DNAJB2: variants seen among roughly 807,000 people sequenced by gnomAD.
DNAJB2 encodes the protein DnaJ heat shock protein family (Hsp40) member B2.
Under a neutral mutation model 33.3 loss-of-function variants are expected in DNAJB2, and 19 were observed. The observed-to-expected ratio is 0.57, with a 90% CI of 0.40 to 0.84. The LOEUF is 0.84. Among genes scored for constraint, DNAJB2 ranks in the 40% least tolerant of loss-of-function variants. The pLI is 0.00. For synonymous variants in DNAJB2, 172 were observed against 164.6 expected (o/e 1.04, Z -0.34); for missense variants, 368 against 430.9 (o/e 0.85, Z 1.29).
In DNAJB2 at chr2:219,282,207, G is replaced by T. The variant is rs532421255; in HGVS notation, c.352+146G>T. The T allele has an allele frequency of 4.5e-6, 6 of 1,344,686 alleles. No individual in the cohort carries two copies. In the African/African-American group the frequency reaches 8.6e-5, roughly 19 times the overall value. The allele number at this position is 1,344,686 out of a possible 1,614,324, so 83.3% of individuals were successfully genotyped here. On this transcript the variant is annotated intron_variant, in intron 5 of 8. Coordinates refer to ENST00000336576, the MANE Select transcript of DNAJB2 (RefSeq NM_006736.6). ...TTTTGTGGAGCTGGGTCCAGTGAGA[G>T]CCGGGACAGAACCTCACGTGTGCCA... is the stretch of plus-strand genomic sequence containing the variant.
intron 2 of DNAJB2, chr2:219,280,198 T>A: frequency 2.0e-6 from 1 of 498,672 alleles, no homozygotes; most frequent in Non-Finnish European, 3.6e-6. Flanking sequence ...CCCTTCCCCC[T>A]AGATTTGGGC....
At chr2:219,283,055 T>C in intron 6 of DNAJB2, 78 bp from the exon 7 acceptor site, 1 of 1,591,960 alleles carries the variant, frequency 6.3e-7, no homozygotes, top group Non-Finnish European at 8.6e-7. Context: ...CGAGGCGGCC[T>C]GGAGCCTCGG....
chr2:219,285,445 C>T lies in DNAJB2; in HGVS notation c.*458C>T, dbSNP rs529545317. On this transcript the variant is annotated 3_prime_UTR_variant, in exon 9 of 9. Coordinates refer to ENST00000336576, the MANE Select transcript of DNAJB2 (RefSeq NM_006736.6). ...GCTCTCCTGGACCAGCTGCAGACCCCCAACCCTGGTTTCTGTGCCATGTTG... is the reference window on the plus strand; with the variant it reads ...GCTCTCCTGGACCAGCTGCAGACCCTCAACCCTGGTTTCTGTGCCATGTTG... 2 of 1,006,146 alleles carry T rather than the reference C, an allele frequency of 2.0e-6. No homozygotes were observed. The highest frequency in any genetic ancestry group is 9.0e-5 in the South Asian group (2 of 22,230). 62.3% of individuals were successfully genotyped at this position (1,006,146 alleles called of 1,614,324 possible).
At chr2:219,283,774 G>GGGA (rs1312338663) in intron 8 of DNAJB2, among the ~76,000 whole-genome samples, 1 of 152,164 alleles carries the variant, frequency 6.6e-6, no homozygotes, top group East Asian at 1.9e-4. Flanking sequence ...AAGCATCTGG[G>GGGA]GGAGTACACA....
Position 219,285,641 on chromosome 2 carries a change from G to C in DNAJB2, c.*654G>C, listed in dbSNP as rs1022873055. Reference sequence around the variant, plus strand: ...ATGTGGCGAGGAAGATGCTGGGGCCGGTAGGGCTGTGAGATCTTCTGGGGA... The same window carrying C: ...ATGTGGCGAGGAAGATGCTGGGGCCCGTAGGGCTGTGAGATCTTCTGGGGA... On this transcript the variant is annotated 3_prime_UTR_variant, in exon 9 of 9. Coordinates refer to ENST00000336576, the MANE Select transcript of DNAJB2 (RefSeq NM_006736.6). The C allele has an allele frequency of 8.9e-7, 1 of 1,127,192 alleles. No homozygotes were observed. The highest frequency in any genetic ancestry group is 1.1e-6 in the Non-Finnish European group (1 of 919,720). The allele number at this position is 1,127,192 out of a possible 1,614,324, so 69.8% of individuals were successfully genotyped here.
chr2:219,279,401 A>C lies in DNAJB2; in HGVS notation c.-154A>C. 1 of 159,130 alleles carries C rather than the reference A, an allele frequency of 6.3e-6. No homozygotes were observed. The highest frequency in any genetic ancestry group is 1.4e-5 in the Non-Finnish European group (1 of 72,650). The allele number at this position is 159,130 out of a possible 1,614,324, so 9.9% of individuals were successfully genotyped here. On this transcript the variant is annotated 5_prime_UTR_variant, in exon 1 of 9. Transcript: ENST00000336576. The surrounding 1 kb of genome is among the most constrained non-coding windows in gnomAD (Gnocchi z 4.9). The stretch of plus-strand genomic sequence containing the variant: ...GCACCGCTGACGCATGCCTGCGCGC[A>C]CAGCTGGGCCGGGCGCGTCCTACGC...
At chr2:219,281,268 G>A (rs1465499113) in intron 3 of DNAJB2, 7 of 198,700 alleles carry the variant, frequency 3.5e-5, no homozygotes, top group Admixed American at 5.3e-5. Context: ...AGAGTATTCC[G>A]AGGGAAGAAA....
chr2:219,279,907 C>T lies in DNAJB2; in HGVS notation c.65+9C>T, dbSNP rs1951889099. The T allele has an allele frequency of 6.2e-7, 1 of 1,613,850 alleles. No individual in the cohort carries two copies. On this transcript the variant is annotated intron_variant, in intron 2 of 8. Coordinates refer to ENST00000336576, the MANE Select transcript of DNAJB2 (RefSeq NM_006736.6). This position sits in a 1 kb window ranked among gnomAD's most constrained non-coding sequence, Gnocchi z 4.9. ...GATGACATCAAGAAGGCGTAAGTGC[C>T]TCCGTATGCAACAGAAGACCTCTCA...
Position 219,286,374 on chromosome 2 carries a change from G to T in DNAJB2, c.*1387G>T. The stretch of plus-strand genomic sequence containing the variant: ...TTGTCTTTTGATTTATCCCTGTAGG[G>T]CTGGCAGGGTTGTAGATGAAGGGGG... On this transcript the variant is annotated 3_prime_UTR_variant, in exon 9 of 9. Transcript: ENST00000336576. The T allele has an allele frequency of 4.4e-6, 1 of 226,424 alleles. No individual in the cohort carries two copies. The highest frequency in any genetic ancestry group is 9.0e-6 in the Non-Finnish European group (1 of 111,170). The allele number at this position is 226,424 out of a possible 1,614,324, so 14.0% of individuals were successfully genotyped here. A position where few individuals can be genotyped will look rare whatever the true frequency, so the allele number is the denominator to read the frequency against.
At chr2:219,283,845 AC>A (rs1951929101) in intron 8 of DNAJB2, among the ~76,000 whole-genome samples, 1 of 152,154 alleles carries the variant, frequency 6.6e-6, no homozygotes, top group Admixed American at 6.5e-5. Context: ...TAGTTAAATG[AC>A]CCTAACTTCC....
At chr2:219,281,839 C>A in intron 4 of DNAJB2, 68 bp downstream of exon 4, 1 of 1,612,286 alleles carries the variant, frequency 6.2e-7, no homozygotes, top group South Asian at 1.1e-5. Flanking sequence ...CAGATTCTTG[C>A]AATGGAGGCT....
At position 219,285,548 on chromosome 2, in the gene DNAJB2, C is replaced by T. The variant is rs530447790; in HGVS notation, c.*561C>T. On this transcript the variant is annotated 3_prime_UTR_variant, in exon 9 of 9. Coordinates refer to ENST00000336576, the MANE Select transcript of DNAJB2 (RefSeq NM_006736.6). ...ATTCTCTCTGCAACTCCCTGCGGGC[C>T]GCATCGCTTGCTTTCACTGCCGTCT... 1.2e-4 allele frequency: 118 copies of T among 1,023,828 alleles called. No individual in the cohort carries two copies. Among genetic ancestry groups the T allele is most frequent in the Non-Finnish European group, 1.3e-4 (110 of 854,330 alleles). 63.4% of individuals were successfully genotyped at this position (1,023,828 alleles called of 1,614,324 possible).
At chr2:219,282,168 C>T in intron 5 of DNAJB2, 107 bp downstream of exon 5, 1 of 1,584,018 alleles carries the variant, frequency 6.3e-7, no homozygotes, top group African/African-American at 1.3e-5. Flanking sequence ...GACGGGAATG[C>T]CACGGACAGA....
Position 219,286,196 on chromosome 2 carries a change from C to T in DNAJB2, c.*1209C>T. 3.2e-6 allele frequency: 2 copies of T among 628,122 alleles called. No homozygotes were observed. The highest frequency in any genetic ancestry group is 2.8e-5 in the East Asian group (1 of 35,410). The allele number at this position is 628,122 out of a possible 1,614,324, so 38.9% of individuals were successfully genotyped here. A position where few individuals can be genotyped will look rare whatever the true frequency, so the allele number is the denominator to read the frequency against. ...CTCTTCCTTGGGTGTTTGGTGCTGGCTCCTGGGGACTACAAATCCCAGAGT... is the reference window on the plus strand; with the variant it reads ...CTCTTCCTTGGGTGTTTGGTGCTGGTTCCTGGGGACTACAAATCCCAGAGT... On this transcript the variant is annotated 3_prime_UTR_variant, in exon 9 of 9. Transcript: ENST00000336576.
At position 219,285,275 on chromosome 2, in the gene DNAJB2, A is replaced by T; in HGVS notation, c.*288A>T. 1 of 1,138,136 alleles carries T rather than the reference A, an allele frequency of 8.8e-7. No individual in the cohort carries two copies. Among genetic ancestry groups the T allele is most frequent in the Non-Finnish European group, 1.1e-6 (1 of 926,786 alleles). 70.5% of individuals were successfully genotyped at this position (1,138,136 alleles called of 1,614,324 possible). ...TGGATGGGGAGCTCCAAGGGGCATTAGTGGTTTGGGCTGGGCCTTTTGTGC... is the reference window on the plus strand; with the variant it reads ...TGGATGGGGAGCTCCAAGGGGCATTTGTGGTTTGGGCTGGGCCTTTTGTGC... On this transcript the variant is annotated 3_prime_UTR_variant, in exon 9 of 9. Transcript: ENST00000336576.
At position 219,285,925 on chromosome 2, in the gene DNAJB2, C is replaced by A; in HGVS notation, c.*938C>A. On this transcript the variant is annotated 3_prime_UTR_variant, in exon 9 of 9. Coordinates refer to ENST00000336576, the MANE Select transcript of DNAJB2 (RefSeq NM_006736.6). ...CCAGCCCAGGTCTGCATGCTGAGCC[C>A]CATCCTCCACAGCTTGCCGCTGACG... The A allele has an allele frequency of 3.1e-6, 5 of 1,602,228 alleles. No homozygotes were observed.
chr2:219,282,264 A>T, intron 5 of DNAJB2: 1 of 657,650 alleles, frequency 1.5e-6, no homozygotes, highest in Non-Finnish European at 2.6e-6. Context: ...GACACTTCAC[A>T]GACTCACCTT....
chr2:219,283,604 A>G, intron 8 of DNAJB2, 115 bp downstream of exon 8: 1 of 1,058,490 alleles, frequency 9.4e-7, no homozygotes, highest in South Asian at 1.7e-5. Context: ...AGGGAGTGGC[A>G]ACAGGCCAGA....
chr2:219,281,620 G>A, intron 3 of DNAJB2, 98 bp from the exon 4 acceptor site: 1 of 1,535,214 alleles, frequency 6.5e-7, no homozygotes, highest in Non-Finnish European at 9.0e-7. Context: ...CCCGCCAAGT[G>A]TCAGAGTGTC....
Sources: gnomAD v4.1 joint callset for allele counts (sites outside exome capture counted in the v4.1 genomes callset) on GRCh38, gnomAD v4.1.1 for gene constraint, Gnocchi (gnomAD v3.1) non-coding constraint, MANE v1.5 for transcripts, NCBI Gene and HGNC (gene_info 2026-07-23, HGNC 2026-07-21) for gene names.